The following COL26A1 variants were observed in gnomAD, a reference collection of about 807,000 sequenced individuals.
COL26A1 encodes collagen alpha-1(XXVI) chain.
In COL26A1, 41 loss-of-function variants were observed where a neutral mutation model predicts 59.3. The observed-to-expected ratio is 0.69, with a 90% CI of 0.54 to 0.90. The LOEUF (loss-of-function observed/expected upper bound fraction) is 0.90, where lower values mean the gene tolerates loss of function less well. Ranked by LOEUF, COL26A1 falls within the 40% of genes least tolerant of loss-of-function variation. COL26A1 has a pLI of 0.00. For synonymous variants in COL26A1, 266 were observed against 256.0 expected (o/e 1.04, Z -0.37); for missense variants, 612 against 602.3 (o/e 1.02, Z -0.17).
intron 5 of COL26A1, among the ~76,000 whole-genome samples, chr7:101,540,509 G>A (rs1017036625): frequency 6.7e-6 from 1 of 148,938 alleles, no homozygotes; most frequent in African/African-American, 2.5e-5. Flanking sequence ...CTGCACTCCA[G>A]CCTGGGGGAC....
intron 1 of COL26A1, among the ~76,000 whole-genome samples, chr7:101,374,507 C>A (rs1791263733): frequency 6.6e-6 from 1 of 152,204 alleles, no homozygotes; most frequent in African/African-American, 2.4e-5. Flanking sequence ...ACTGCCTTAG[C>A]TCTGCCTCCT....
intron 3 of COL26A1, among the ~76,000 whole-genome samples, chr7:101,449,231 G>A (rs1398877950): frequency 6.6e-6 from 1 of 152,220 alleles, no homozygotes; most frequent in African/African-American, 2.4e-5. Context: ...CTGGCATAAT[G>A]CTATGGTGTT....
At chr7:101,553,107 C>T (rs1369219712) in intron 10 of COL26A1, 3 of 493,990 alleles carry the variant, frequency 6.1e-6, no homozygotes, top group Non-Finnish European at 1.1e-5. Flanking sequence ...ACCCTGGACA[C>T]TTCCCTGCCA....
At chr7:101,524,276 A>T (rs1013268035) in intron 3 of COL26A1, among the ~76,000 whole-genome samples, 4 of 142,518 alleles carry the variant, frequency 2.8e-5, no homozygotes, top group African/African-American at 1.0e-4. Flanking sequence ...GTCTCAAAGA[A>T]AAAAAAAAAA....
chr7:101,398,446 C>A (rs1791909658), intron 1 of COL26A1, among the ~76,000 whole-genome samples: 1 of 152,140 alleles, frequency 6.6e-6, no homozygotes, highest in Admixed American at 6.6e-5. Context: ...TCTCGGCAAC[C>A]AAGTCCTCTT....
intron 1 of COL26A1, among the ~76,000 whole-genome samples, chr7:101,387,755 TATATATATATATATATA>T (rs1791619039): frequency 1.9e-5 from 1 of 53,242 alleles, no homozygotes; most frequent in African/African-American, 6.6e-5. Flanking sequence ...TATATATATT[TATATATATATATATATA>T]TATATATTTT....
At chr7:101,414,037 A>T (rs1449282173) in intron 1 of COL26A1, among the ~76,000 whole-genome samples, 1 of 152,104 alleles carries the variant, frequency 6.6e-6, no homozygotes, top group African/African-American at 2.4e-5. Flanking sequence ...CAGGGATCCT[A>T]GGGGCAAGGC....
At chr7:101,507,968 T>C (rs1162959878) in intron 3 of COL26A1, among the ~76,000 whole-genome samples, 1 of 152,136 alleles carries the variant, frequency 6.6e-6, no homozygotes, top group African/African-American at 2.4e-5. Context: ...ACTGCCGTAA[T>C]ATATATAAAA....
At chr7:101,384,283 C>G (rs1791517725) in intron 1 of COL26A1, among the ~76,000 whole-genome samples, 1 of 136,446 alleles carries the variant, frequency 7.3e-6, no homozygotes, top group Non-Finnish European at 1.5e-5. Flanking sequence ...GTTGCCTAGG[C>G]TAGAGTTCAA....
At chr7:101,521,611 G>A (rs1205159862) in intron 3 of COL26A1, among the ~76,000 whole-genome samples, 1 of 152,194 alleles carries the variant, frequency 6.6e-6, no homozygotes, top group African/African-American at 2.4e-5. Context: ...AGCATGGCAA[G>A]TAGGCCACAG....
At chr7:101,436,529 G>T (rs1484572657) in intron 2 of COL26A1, among the ~76,000 whole-genome samples, 2 of 151,974 alleles carry the variant, frequency 1.3e-5, no homozygotes, top group Non-Finnish European at 2.9e-5. Context: ...CCCAGGCAAG[G>T]TTCTGGGCTG....
intron 3 of COL26A1, among the ~76,000 whole-genome samples, chr7:101,470,819 G>T (rs944994943): frequency 2.6e-5 from 4 of 152,090 alleles, no homozygotes; most frequent in Non-Finnish European, 5.9e-5. Flanking sequence ...CTTCCTGGGG[G>T]TCAAGGTTGG....
chr7:101,551,690 G>A (rs376015863), intron 10 of COL26A1, among the ~76,000 whole-genome samples: 2 of 151,776 alleles, frequency 1.3e-5, no homozygotes, highest in East Asian at 3.9e-4. Flanking sequence ...AGGTTGCAGC[G>A]AGCCAGGATC....
At chr7:101,393,006 G>T (rs922216132) in intron 1 of COL26A1, among the ~76,000 whole-genome samples, 56 of 129,332 alleles carry the variant, frequency 4.3e-4, no homozygotes, top group African/African-American at 7.5e-4. Context: ...ATGTTTTTTT[G>T]TTTTTTTTTT....
At chr7:101,450,806 GAATTCCATAGTCTATATGAA>G (rs1367816735) in intron 3 of COL26A1, among the ~76,000 whole-genome samples, 4 of 146,840 alleles carry the variant, frequency 2.7e-5, no homozygotes, top group African/African-American at 1.0e-4. Context: ...ATATGAATAT[GAATTCCATAGTCTATATGAA>G]TATGAATTCC....
chr7:101,455,535 C>T (rs1463809712), intron 3 of COL26A1, among the ~76,000 whole-genome samples: 1 of 134,478 alleles, frequency 7.4e-6, no homozygotes, highest in African/African-American at 2.9e-5. Context: ...CTGAGTTTCA[C>T]CTTGTAGCCC....
intron 3 of COL26A1, among the ~76,000 whole-genome samples, chr7:101,479,197 A>G (rs1794108375): frequency 6.6e-6 from 1 of 152,228 alleles, no homozygotes; most frequent in Admixed American, 6.5e-5. Context: ...AGCAGTGTAT[A>G]AAAGTTTTCC....
chr7:101,500,207 C>G (rs1445965510), intron 3 of COL26A1, among the ~76,000 whole-genome samples: 1 of 152,194 alleles, frequency 6.6e-6, no homozygotes, highest in African/African-American at 2.4e-5. Flanking sequence ...GCCACCCTTC[C>G]TAGCCTTTCC....
At chr7:101,384,145 C>G (rs1342109577) in intron 1 of COL26A1, among the ~76,000 whole-genome samples, 1 of 151,606 alleles carries the variant, frequency 6.6e-6, no homozygotes, top group Non-Finnish European at 1.5e-5. Context: ...TTCTGAGTAG[C>G]TGAGACCACA....
Sources: allele counts gnomAD v4.1 joint callset (sites outside exome capture counted in the v4.1 genomes callset), GRCh38; gene constraint gnomAD v4.1.1; transcripts MANE v1.5; gene names NCBI Gene and HGNC (gene_info 2026-07-23, HGNC 2026-07-21).